The following ALMS1 variants were observed in gnomAD, a reference collection of about 807,000 sequenced individuals.
ALMS1 encodes centrosome-associated protein ALMS1.
A neutral mutation model predicts 352.2 loss-of-function variants in ALMS1; 271 were observed. The ratio of observed to expected loss-of-function variants is 0.77; its 90% CI spans 0.70 to 0.85. The LOEUF (loss-of-function observed/expected upper bound fraction) is 0.85, where lower values mean the gene tolerates loss of function less well. Ranked by LOEUF, ALMS1 falls within the 40% of genes least tolerant of loss-of-function variation. The pLI is 0.00. For missense variants in ALMS1, 5,445 were observed against 4,870.7 expected (o/e 1.12, Z -3.51); for synonymous variants, 1,865 against 1,761.2 (o/e 1.06, Z -1.48).
rs938557636 is a variant in ALMS1 at position 73,452,312 on chromosome 2, C to T, written c.5785C>T (p.Arg1929Trp). The T allele has an allele frequency of 1.5e-5, 24 of 1,613,956 alleles. No homozygotes were observed. Among genetic ancestry groups the T allele is most frequent in the African/African-American group, 1.1e-4 (8 of 74,992 alleles). ...TTTTGTTGTTCCTGGACAAGGTGAC[C>T]GGAAGACTGAGATACCAACAGTACC... Reference protein sequence around the residue: ...NVFVVPGQGDRKTEIPTVPLS... With the variant: ...NVFVVPGQGDWKTEIPTVPLS... The change falls in exon 8 of 23, where the codon CGG (arginine) becomes TGG (tryptophan). Residue 1929 changes from arginine to tryptophan, a missense_variant. Physicochemically the swap from Arg to Trp is moderately radical, Grantham distance 101. Coordinates refer to ENST00000613296, the MANE Select transcript of ALMS1 (RefSeq NM_001378454.1).
At chr2:73,506,932 AT>A (rs1470448485) in intron 10 of ALMS1, among the ~76,000 whole-genome samples, 14 of 151,976 alleles carry the variant, frequency 9.2e-5, no homozygotes, top group African/African-American at 3.4e-4. Flanking sequence ...AATAGCTCTT[AT>A]TTTTTTGAGA....
intron 9 of ALMS1, among the ~76,000 whole-genome samples, chr2:73,474,377 G>GTA: frequency 2.6e-5 from 1 of 39,066 alleles, no homozygotes; most frequent in East Asian, 5.2e-4. Flanking sequence ...GACTCTGTGT[G>GTA]TGTGTGTGTG....
At position 73,583,770 on chromosome 2, in the gene ALMS1, G is replaced by A. The variant is rs368217132; in HGVS notation, c.11547+10346G>A. Among the ~76,000 whole-genome samples the A allele has an allele frequency of 7.0e-4, 107 of 152,222 alleles. 2 individuals are homozygous for A. Among genetic ancestry groups the A allele is most frequent in the Admixed American group, 6.3e-3 (96 of 15,294 alleles). On this transcript the variant is annotated intron_variant, in intron 16 of 22. Coordinates refer to ENST00000613296, the MANE Select transcript of ALMS1 (RefSeq NM_001378454.1). ...CCCACTGAGTGGTCTTGGCACCCTC[G>A]TCAAAAATCATTTGAACATATATGC...
At chr2:73,470,539 G>T (rs1489521284) in intron 9 of ALMS1, 1 of 151,556 alleles carries the variant, frequency 6.6e-6, no homozygotes, top group African/African-American at 2.4e-5. Context: ...AAAAAAGGTT[G>T]GTATCATTTC....
At chr2:73,520,872 CAATT>C (rs1047248455) in intron 11 of ALMS1, among the ~76,000 whole-genome samples, 35 of 152,092 alleles carry the variant, frequency 2.3e-4, no homozygotes, top group Non-Finnish European at 3.4e-4. Flanking sequence ...GGAAAATTAA[CAATT>C]AAGTTTCCAT....
chr2:73,603,606 T>C (rs540147049), intron 21 of ALMS1: 134 of 367,384 alleles, frequency 3.6e-4, no homozygotes, highest in Non-Finnish European at 3.7e-4. Flanking sequence ...ATGCCTGTAA[T>C]CCCAGCACTT....
chr2:73,517,733 T>C (rs575291009), intron 10 of ALMS1, among the ~76,000 whole-genome samples: 1 of 151,774 alleles, frequency 6.6e-6, no homozygotes, highest in South Asian at 2.1e-4. Flanking sequence ...TCTCGGTTCA[T>C]TGCAACCCCT....
intron 4 of ALMS1, among the ~76,000 whole-genome samples, chr2:73,423,753 T>G (rs985134694): frequency 4.6e-5 from 7 of 152,072 alleles, no homozygotes; most frequent in Non-Finnish European, 2.9e-5. Flanking sequence ...CTTAAGTGGT[T>G]TCTTTCTCTT....
chr2:73,447,332 A>G (rs768040531), intron 7 of ALMS1, among the ~76,000 whole-genome samples: 1 of 152,180 alleles, frequency 6.6e-6, no homozygotes, highest in African/African-American at 2.4e-5. Flanking sequence ...ACAACTTGCC[A>G]TGCTATACAG....
chr2:73,609,612 A>G lies in ALMS1; in HGVS notation c.12507A>G (p.Ter4169TrpextTer28), dbSNP rs1240376479. ...TGGGGAGAAAAGTTCCCTGGGACTG[A>G]CACAAGTTTATTTTCCTCAGAGCCT... ...QLLGRKVPWD* is the reference protein window; with the variant it reads ...QLLGRKVPWDW The change falls in exon 23 of 23, where the codon TGA (stop) becomes TGG (tryptophan). Residue 4169 changes from the stop codon to tryptophan, a stop_lost. Transcript: ENST00000613296. 6.2e-7 allele frequency: 1 copy of G among 1,613,998 alleles called. No homozygotes were observed. Among genetic ancestry groups the G allele is most frequent in the South Asian group, 1.1e-5 (1 of 91,076 alleles).
In ALMS1 at chr2:73,452,456, A is replaced by G. The variant is rs1228270049; in HGVS notation, c.5929A>G (p.Lys1977Glu). ...VSPVSIPAEQ[K>E]TGIPIGLSSS... The stretch of plus-strand genomic sequence containing the variant: ...ACCTGTTTCTATACCAGCAGAGCAG[A>G]AGACTGGGATACCAATAGGACTGTC... The change falls in exon 8 of 23, where the codon AAG (lysine) becomes GAG (glutamate). Residue 1977 changes from lysine to glutamate, a missense_variant. Physicochemically the swap from Lys to Glu is moderately conservative, Grantham distance 56. Coordinates refer to ENST00000613296, the MANE Select transcript of ALMS1 (RefSeq NM_001378454.1). 1.9e-6 allele frequency: 3 copies of G among 1,614,088 alleles called. No individual in the cohort carries two copies. Among genetic ancestry groups the G allele is most frequent in the Non-Finnish European group, 2.5e-6 (3 of 1,179,984 alleles).
intron 20 of ALMS1, among the ~76,000 whole-genome samples, chr2:73,602,633 A>C (rs1675724377): frequency 6.6e-6 from 1 of 152,192 alleles, no homozygotes; most frequent in Admixed American, 6.5e-5. Context: ...GTTAGTTCCA[A>C]AAGTATATTG....
intron 17 of ALMS1, among the ~76,000 whole-genome samples, chr2:73,600,121 TAAAA>T (rs764432281): frequency 2.0e-4 from 30 of 152,090 alleles, no homozygotes; most frequent in Middle Eastern, 3.2e-3. Flanking sequence ...TTTTTTTTAA[TAAAA>T]GAAAGAAAGG....
chr2:73,505,547 G>T (rs764111465), intron 10 of ALMS1, among the ~76,000 whole-genome samples: 1 of 151,986 alleles, frequency 6.6e-6, no homozygotes, highest in Non-Finnish European at 1.5e-5. Flanking sequence ...TATATCCTTC[G>T]CCCACTTTTT....
At chr2:73,462,689 A>G (rs1436735446) in intron 9 of ALMS1, 1 of 152,224 alleles carries the variant, frequency 6.6e-6, no homozygotes, top group Non-Finnish European at 1.5e-5. Context: ...AAGACCCATC[A>G]GTGTGCTGTA....
At chr2:73,396,469 C>A (rs191810734) in intron 1 of ALMS1, among the ~76,000 whole-genome samples, 4 of 149,272 alleles carry the variant, frequency 2.7e-5, no homozygotes, top group African/African-American at 5.0e-5. Flanking sequence ...GAAAGTATTC[C>A]TATTGGTTTT....
chr2:73,461,476 CA>C (rs1328674957), intron 9 of ALMS1, among the ~76,000 whole-genome samples: 4 of 152,152 alleles, frequency 2.6e-5, no homozygotes, highest in Non-Finnish European at 5.9e-5. Flanking sequence ...CATCAAAGAC[CA>C]AAGGTAGATA....
intron 11 of ALMS1, among the ~76,000 whole-genome samples, chr2:73,528,916 AT>A (rs767595598): frequency 1.4e-4 from 21 of 147,246 alleles, no homozygotes; most frequent in African/African-American, 5.0e-4. Flanking sequence ...TGTCAGGTGT[AT>A]TTTTCTACTC....
chr2:73,467,476 G>A (rs1055717024), intron 9 of ALMS1, among the ~76,000 whole-genome samples: 11 of 152,176 alleles, frequency 7.2e-5, no homozygotes, highest in Middle Eastern at 3.4e-3. Context: ...AAGTTATGAA[G>A]CAACTGGAAT....
Sources: gnomAD v4.1 joint callset for allele counts (sites outside exome capture counted in the v4.1 genomes callset) on GRCh38, gnomAD v4.1.1 for gene constraint, MANE v1.5 for transcripts, NCBI Gene and HGNC (gene_info 2026-07-23, HGNC 2026-07-21) for gene names.